Variants in CPSF1 observed in about 807,000 individuals in gnomAD.
The protein encoded by CPSF1 is cleavage and polyadenylation specificity factor subunit 1.
Under a neutral mutation model 175.8 loss-of-function variants are expected in CPSF1, and 106 were observed. The ratio of observed to expected loss-of-function variants is 0.60; its 90% CI spans 0.52 to 0.71. The LOEUF is 0.71. Among genes scored for constraint, CPSF1 ranks in the 30% least tolerant of loss-of-function variants. The pLI is 0.00. For synonymous variants in CPSF1, 1,024 were observed against 858.3 expected (o/e 1.19, Z -3.37); for missense variants, 1,734 against 2,022.9 (o/e 0.86, Z 2.74).
In CPSF1 at chr8:144,398,083, C is replaced by A. The variant is rs782316971; in HGVS notation, c.1944G>T (p.Gln648His). The change falls in exon 20 of 38, where the codon CAG becomes CAT. Residue 648 changes from glutamine to histidine, a missense_variant. Physicochemically the swap from Gln to His is conservative, Grantham distance 24. This residue lies in a region of CPSF1 where 280 missense variants were observed against 349.2 expected (regional missense o/e 0.80). Coordinates refer to ENST00000616140, the MANE Select transcript of CPSF1 (RefSeq NM_013291.3). The part of the protein sequence containing the change: ...IPVDLGAPIV[Q>H]CAVADPYVVI... The stretch of plus-strand genomic sequence containing the variant: ...CCACATAGGGGTCGGCCACGGCGCA[C>A]TGCACGATGGGGGCGCCCAGGTCCA... The A allele has an allele frequency of 1.9e-6, 3 of 1,611,410 alleles. No homozygotes were observed. Among genetic ancestry groups the A allele is most frequent in the East Asian group, 2.2e-5 (1 of 44,846 alleles).
rs1820775556 is a variant in CPSF1, at chr8:144,396,739, G to A, written c.2685C>T (p.Val895=). The change falls in exon 25 of 38, where the codon GTC becomes GTT. Residue 895 remains valine, a splice_region_variant and synonymous_variant. Transcript: ENST00000616140. ...QGNLKVRFKK[V]PHNINFREKK... ...TCTCACGGAAGTTGATGTTGTGAGG[G>A]ACCTGGGGGGGAACCATGCAGGTCC... is the stretch of plus-strand genomic sequence containing the variant. 1.2e-6 allele frequency: 2 copies of A among 1,613,908 alleles called. No homozygotes were observed. Among genetic ancestry groups the A allele is most frequent in the Non-Finnish European group, 8.5e-7 (1 of 1,179,970 alleles).
chr8:144,394,201 G>C (rs1820547897), intron 33 of CPSF1, 33 bp downstream of exon 33: 1 of 1,611,916 alleles, frequency 6.2e-7, no homozygotes, highest in Non-Finnish European at 8.5e-7. Flanking sequence ...GCCACCCCCA[G>C]AGCCTCAGCT....
rs1820605215 is a variant in CPSF1 at position 144,394,791 on chromosome 8, C to T, written c.3420G>A (p.Leu1140=). The change falls in exon 31 of 38, where the codon TTG becomes TTA. Residue 1140 remains leucine (L), a synonymous_variant. Transcript: ENST00000616140. ...GCACCACCTCAATCACATCCATGATCAAGATCTGGAGGGCATGGGTATGGC... is the reference window on the plus strand; with the variant it reads ...GCACCACCTCAATCACATCCATGATTAAGATCTGGAGGGCATGGGTATGGC... ...GEEVTCRGRI[L]IMDVIEVVPE... 1 of 1,613,572 alleles carries T rather than the reference C, an allele frequency of 6.2e-7. No individual in the cohort carries two copies.
chr8:144,393,399 G>A (rs782608672), intron 37 of CPSF1, 34 bp from the exon 38 acceptor site: 1 of 1,452,278 alleles, frequency 6.9e-7, no homozygotes, highest in African/African-American at 1.5e-5. Flanking sequence ...GGGTGGGTGG[G>A]TGGGGATGCA....
Position 144,400,349 on chromosome 8 carries a change from C to G in CPSF1, c.826+5G>C. On this transcript the variant is annotated splice_donor_5th_base_variant and intron_variant, in intron 8 of 37. Transcript: ENST00000616140. The stretch of plus-strand genomic sequence containing the variant: ...CACTCCCCTATCCACTCCCAGGACA[C>G]ACACCTATGGGCTTGGGCACAGCCA... 6.2e-7 allele frequency: 1 copy of G among 1,613,904 alleles called. No individual in the cohort carries two copies. The highest frequency in any genetic ancestry group is 2.2e-5 in the East Asian group (1 of 44,886).
Position 144,395,423 on chromosome 8 carries a change from G to A in CPSF1, c.3096+12C>T, listed in dbSNP as rs782818058. The A allele has an allele frequency of 2.0e-5, 33 of 1,612,766 alleles. No homozygotes were observed. The highest frequency in any genetic ancestry group is 3.3e-5 in the South Asian group (3 of 91,080). ...CCAGAAGGTCCCTGGTGGGGTGGGGGTGGGGGCAGACCTTAGACTCCACGT... is the reference window on the plus strand; with the variant it reads ...CCAGAAGGTCCCTGGTGGGGTGGGGATGGGGGCAGACCTTAGACTCCACGT... On this transcript the variant is annotated intron_variant, in intron 27 of 37. Coordinates refer to ENST00000616140, the MANE Select transcript of CPSF1 (RefSeq NM_013291.3).
chr8:144,399,289 G>C lies in CPSF1; in HGVS notation c.1379C>G (p.Thr460Ser), dbSNP rs2116861138. The change falls in exon 14 of 38, where the codon ACC becomes AGC. Residue 460 changes from threonine (T) to serine (S), a missense_variant. By Grantham distance (58) the Thr-to-Ser change is moderately conservative. Coordinates refer to ENST00000616140, the MANE Select transcript of CPSF1 (RefSeq NM_013291.3). The surrounding 1 kb of genome is among the most constrained non-coding windows in gnomAD (Gnocchi z 6.4). ...CCTCAATCTCACCTCAAAGGAGTAG[G>C]TGGCCAGCTGTGTTCCCGACTGGGC... ...SEAQSGTQLA[T>S]YSFEVCDSIL... The C allele has an allele frequency of 3.1e-6, 5 of 1,612,354 alleles. No individual in the cohort carries two copies. The South Asian group carries it at 4.4e-5, about 14-fold the overall frequency.
At chr8:144,404,259 G>A (rs1166648287) in intron 2 of CPSF1, among the ~76,000 whole-genome samples, 1 of 152,068 alleles carries the variant, frequency 6.6e-6, no homozygotes, top group Admixed American at 6.6e-5. Context: ...TTCCCTCTTG[G>A]TCAGGACCAG....
In CPSF1 at chr8:144,397,805, C is replaced by G; in HGVS notation, c.2148G>C (p.Gly716=). ...GMFTTESRLG[G]ARDELGGRSG... ...TGCGGCCCCCGAGCTCGTCACGGGC[C>G]CCACCCAGGCGGCTCTCAGTGGTGA... The change falls in exon 21 of 38, where the codon GGG becomes GGC. Residue 716 remains glycine, a synonymous_variant. Transcript: ENST00000616140. The G allele has an allele frequency of 6.2e-7, 1 of 1,611,072 alleles. No individual in the cohort carries two copies. The highest frequency in any genetic ancestry group is 8.5e-7 in the Non-Finnish European group (1 of 1,179,314).
At position 144,399,725 on chromosome 8, in the gene CPSF1, G is replaced by A; in HGVS notation, c.1120-15C>T. On this transcript the variant is annotated splice_polypyrimidine_tract_variant and intron_variant, in intron 11 of 37. Coordinates refer to ENST00000616140, the MANE Select transcript of CPSF1 (RefSeq NM_013291.3). This position sits in a 1 kb window ranked among gnomAD's most constrained non-coding sequence, Gnocchi z 6.4. The stretch of plus-strand genomic sequence containing the variant: ...ATGGTGACCATCTGAGGGAGGGCAG[G>A]TGTGTGATGGCTGGGCCGGGTCTGG... 6.2e-7 allele frequency: 1 copy of A among 1,606,448 alleles called. No homozygotes were observed. Among genetic ancestry groups the A allele is most frequent in the Non-Finnish European group, 8.5e-7 (1 of 1,176,746 alleles).
chr8:144,393,880 CACCAA>C lies in CPSF1; in HGVS notation c.4013_4015+2del. 6.2e-7 allele frequency: 1 copy of C among 1,609,002 alleles called. No individual in the cohort carries two copies. ...CCAGACACACCTGCTCCCCCACACTCACCAAACCACGTGATGTGCTTATTCTCCCA... is the reference window on the plus strand; with the variant it reads ...CCAGACACACCTGCTCCCCCACACTCACCACGTGATGTGCTTATTCTCCCA... On this transcript the variant is annotated splice_donor_variant and coding_sequence_variant, in exon 35 of 38. Transcript: ENST00000616140. LOFTEE classifies it high-confidence loss of function.
In CPSF1 at chr8:144,398,879, G is replaced by A; in HGVS notation, c.1549-11C>T. On this transcript the variant is annotated splice_polypyrimidine_tract_variant and intron_variant, in intron 16 of 37. Transcript: ENST00000616140. ...GGGCCGGATGCTCTTCTAGAATGAT[G>A]ATGGGGTGGGGGTGTGATGGGGGTG... is the stretch of plus-strand genomic sequence containing the variant. The A allele has an allele frequency of 6.2e-7, 1 of 1,610,414 alleles. No homozygotes were observed. Among genetic ancestry groups the A allele is most frequent in the Non-Finnish European group, 8.5e-7 (1 of 1,177,582 alleles).
chr8:144,397,765 C>T lies in CPSF1; in HGVS notation c.2188G>A (p.Glu730Lys), dbSNP rs1554864545. The change falls in exon 21 of 38, where the codon GAG (glutamate) becomes AAG (lysine). Residue 730 changes from glutamate (E) to lysine (K), a missense_variant. Glu to Lys is a moderately conservative substitution (Grantham distance 56). Transcript: ENST00000616140. The part of the protein sequence containing the change: ...ELGGRSGPEA[E>K]GLGSETSPTV... ...CACCTAGTCTCTGAGCCCAGGCCCT[C>T]GGCCTCCGGGCCACTGCGGCCCCCG... The T allele has an allele frequency of 4.4e-6, 7 of 1,608,364 alleles. No homozygotes were observed. The highest frequency in any genetic ancestry group is 2.7e-5 in the African/African-American group (2 of 74,832).
At chr8:144,407,277 G>A (rs1554869364) in intron 2 of CPSF1, among the ~76,000 whole-genome samples, 1 of 150,660 alleles carries the variant, frequency 6.6e-6, no homozygotes, top group Non-Finnish European at 1.5e-5. Flanking sequence ...GTGTAATGGT[G>A]CAATTATAGC....
intron 2 of CPSF1, among the ~76,000 whole-genome samples, chr8:144,406,482 C>T (rs1554869119): frequency 6.6e-6 from 1 of 152,218 alleles, no homozygotes; most frequent in Admixed American, 6.5e-5. Flanking sequence ...CCAGCTCTTT[C>T]ATGGCCTCTC....
chr8:144,393,379 A>G lies in CPSF1; in HGVS notation c.4285-14T>C, dbSNP rs782106039. On this transcript the variant is annotated splice_polypyrimidine_tract_variant and intron_variant, in intron 37 of 37. Transcript: ENST00000616140. The stretch of plus-strand genomic sequence containing the variant: ...GTCGTCCAGGATCTGCAGGGGATGG[A>G]AGGGTGGGTGGGTGGGTGGGTGGGG... The G allele has an allele frequency of 3.4e-5, 18 of 537,126 alleles. No individual in the cohort carries two copies. The East Asian group carries it at 5.0e-4, about 15-fold the overall frequency. The allele number at this position is 537,126 out of a possible 1,614,324, so 33.3% of individuals were successfully genotyped here.
In CPSF1 at chr8:144,397,283, C is replaced by T. The variant is rs1349975401; in HGVS notation, c.2516G>A (p.Arg839His). Residue 839 changes from arginine (R) to histidine (H), a missense_variant, in exon 23 of 38, where the codon CGC (arginine) becomes CAC (histidine). By Grantham distance (29) the Arg-to-His change is conservative. Transcript: ENST00000616140. ...CTTGACGAGGGGCAGCTCCCCCTGG[C>T]GCGTGGCCTCCTCCCTGCGGGCCTC... ...QGEARREEAT[R>H]QGELPLVKEV... 18 of 1,549,562 alleles carry T rather than the reference C, an allele frequency of 1.2e-5. No individual in the cohort carries two copies. The highest frequency in any genetic ancestry group is 6.8e-5 in the African/African-American group (5 of 73,010).
intron 2 of CPSF1, among the ~76,000 whole-genome samples, chr8:144,402,443 T>A (rs1554867634): frequency 2.0e-5 from 3 of 152,198 alleles, no homozygotes; most frequent in Admixed American, 2.0e-4. Flanking sequence ...TAGCTGGGAT[T>A]ACAGGTGCGT....
At chr8:144,404,267 C>G (rs1554868302) in intron 2 of CPSF1, among the ~76,000 whole-genome samples, 1 of 152,056 alleles carries the variant, frequency 6.6e-6, no homozygotes, top group Non-Finnish European at 1.5e-5. Flanking sequence ...TGGTCAGGAC[C>G]AGCCAAGGAC....
Sources: allele counts gnomAD v4.1 joint callset (sites outside exome capture counted in the v4.1 genomes callset), GRCh38; gene constraint gnomAD v4.1.1; regional missense constraint gnomAD v4.1.1; non-coding constraint Gnocchi (gnomAD v3.1); transcripts MANE v1.5; gene names NCBI Gene and HGNC (gene_info 2026-07-23, HGNC 2026-07-21).